Variants in NTRK3 observed in about 807,000 individuals in gnomAD.
NTRK3 encodes the protein neurotrophic receptor tyrosine kinase 3, also known as NT-3 growth factor receptor.
NTRK3 carries 24 observed loss-of-function variants against 91.7 expected under a neutral mutation model. That is an observed-to-expected ratio of 0.26 (90% CI 0.19 to 0.37). The LOEUF (loss-of-function observed/expected upper bound fraction) is 0.37. Ranked by LOEUF, NTRK3 falls within the 10% of genes least tolerant of loss-of-function variation. The pLI is 1.00. For synonymous variants in NTRK3, 483 were observed against 404.0 expected, an observed-to-expected ratio of 1.20 and a Z score of -2.34; for missense variants, 880 against 1,068.9, an observed-to-expected ratio of 0.82 and a Z score of 2.46.
At chr15:88,076,805 T>C (rs1394191594) in intron 13 of NTRK3, among the ~76,000 whole-genome samples, 3 of 152,016 alleles carry the variant, frequency 2.0e-5, no homozygotes, top group Non-Finnish European at 4.4e-5. Flanking sequence ...TTTAAAACAC[T>C]TTTGAGGCTG....
chr15:88,112,683 G>A (rs2051545770), intron 13 of NTRK3, among the ~76,000 whole-genome samples: 1 of 152,214 alleles, frequency 6.6e-6, no homozygotes, highest in African/African-American at 2.4e-5. Flanking sequence ...CCTGTCAGGA[G>A]CCTGGCTCTA....
intron 14 of NTRK3, among the ~76,000 whole-genome samples, chr15:87,966,493 G>A (rs193158751): frequency 6.6e-5 from 10 of 152,158 alleles, no homozygotes; most frequent in South Asian, 4.2e-4. Context: ...AAGGGGTCTC[G>A]CGTACATATG....
intron 3 of NTRK3, among the ~76,000 whole-genome samples, chr15:88,244,699 C>T (rs1372092902): frequency 1.3e-5 from 2 of 152,192 alleles, no homozygotes; most frequent in Non-Finnish European, 2.9e-5. Context: ...GGATGAATGT[C>T]CATGGGAGGC....
chr15:88,222,628 A>C (rs1384865121), intron 3 of NTRK3, among the ~76,000 whole-genome samples: 1 of 152,214 alleles, frequency 6.6e-6, no homozygotes, highest in East Asian at 1.9e-4. Context: ...ATAGAGCTCA[A>C]AGACTTGCCC....
At chr15:88,056,740 A>C (rs2045728454) in intron 13 of NTRK3, among the ~76,000 whole-genome samples, 1 of 152,240 alleles carries the variant, frequency 6.6e-6, no homozygotes, top group Non-Finnish European at 1.5e-5. Context: ...GCACTTTCTC[A>C]GTATCTCCCC....
At chr15:87,871,545 T>A (rs1201635323) in exon 19 of NTRK3, 2 of 230,488 alleles carry the variant, frequency 8.7e-6, no homozygotes, top group African/African-American at 4.4e-5. Context: ...TCCTGTGTGG[T>A]CATCTATCAG....
intron 17 of NTRK3, among the ~76,000 whole-genome samples, chr15:87,922,467 T>C (rs2067955012): frequency 6.6e-6 from 1 of 152,178 alleles, no homozygotes; most frequent in Non-Finnish European, 1.5e-5. Flanking sequence ...CTCTGTCTTG[T>C]TCTCTCAGGA....
chr15:87,884,094 G>A (rs187042401), intron 17 of NTRK3, among the ~76,000 whole-genome samples: 103 of 149,266 alleles, frequency 6.9e-4, no homozygotes, highest in Middle Eastern at 3.6e-3. Flanking sequence ...AACAAACAAA[G>A]CAAAACAGCC....
chr15:88,216,290 A>T (rs1290932542), intron 3 of NTRK3, among the ~76,000 whole-genome samples: 1 of 152,154 alleles, frequency 6.6e-6, no homozygotes, highest in East Asian at 1.9e-4. Flanking sequence ...TGTCTCCCGA[A>T]ATCAGATGGA....
At chr15:88,002,261 C>G (rs1305115881) in intron 14 of NTRK3, among the ~76,000 whole-genome samples, 1 of 139,480 alleles carries the variant, frequency 7.2e-6, no homozygotes, top group Non-Finnish European at 1.5e-5. Flanking sequence ...ATAAAGCATT[C>G]AGGCTCACAC....
chr15:88,074,494 GTC>G (rs2047365961), intron 13 of NTRK3, among the ~76,000 whole-genome samples: 1 of 152,192 alleles, frequency 6.6e-6, no homozygotes, highest in Non-Finnish European at 1.5e-5. Flanking sequence ...GTGAGTCCCT[GTC>G]TCTGACATCA....
chr15:88,167,769 G>A (rs772552091), intron 5 of NTRK3, among the ~76,000 whole-genome samples: 8 of 152,060 alleles, frequency 5.3e-5, no homozygotes, highest in South Asian at 2.1e-4. Context: ...CTTCACAGAC[G>A]CTTTGGGAGA....
intron 14 of NTRK3, among the ~76,000 whole-genome samples, chr15:87,949,845 G>A (rs2070928273): frequency 1.3e-5 from 2 of 152,194 alleles, no homozygotes; most frequent in Admixed American, 1.3e-4. Context: ...CCCAAGGAGA[G>A]CCATCTGGAA....
intron 3 of NTRK3, among the ~76,000 whole-genome samples, chr15:88,200,939 C>A (rs1452022481): frequency 2.6e-5 from 4 of 152,344 alleles, no homozygotes; most frequent in Middle Eastern, 3.4e-3. Flanking sequence ...TAGGCTCTAA[C>A]AATGCAGCGA....
At chr15:88,192,359 C>G (rs886588253) in intron 3 of NTRK3, among the ~76,000 whole-genome samples, 2 of 152,114 alleles carry the variant, frequency 1.3e-5, no homozygotes, top group Non-Finnish European at 2.9e-5. Context: ...CCTATCCTAC[C>G]CCTCCCCAGC....
intron 17 of NTRK3, among the ~76,000 whole-genome samples, chr15:87,896,239 G>A (rs749691482): frequency 8.5e-5 from 13 of 152,116 alleles, no homozygotes; most frequent in East Asian, 1.9e-4. Flanking sequence ...TTGGGAGGCC[G>A]AGGCACGCAA....
chr15:88,184,668 T>C (rs150671401), intron 3 of NTRK3, among the ~76,000 whole-genome samples: 197 of 152,348 alleles, frequency 1.3e-3, no homozygotes, highest in African/African-American at 4.6e-3. Context: ...CAGAATTTCC[T>C]AAGGACTGGC....
rs1040658985 is a variant in NTRK3, at chr15:87,969,829, G to A, written c.1586-29076C>T. ...TCAGAAAATCTTGCCGAGAACTCCC[G>A]CTTGGCCTTGTCCAGCTGTGACAGA... On this transcript the variant is annotated intron_variant, in intron 14 of 18. Coordinates refer to ENST00000394480, the Ensembl canonical transcript of NTRK3. Among the ~76,000 whole-genome samples, 6 of 152,102 alleles carry A rather than the reference G, an allele frequency of 3.9e-5. No homozygotes were observed. The South Asian group carries it at 8.3e-4, about 21-fold the overall frequency.
intron 15 of NTRK3, among the ~76,000 whole-genome samples, chr15:87,936,079 TC>T (rs1192306735): frequency 6.6e-6 from 1 of 152,180 alleles, no homozygotes. Context: ...CCGGTGACTC[TC>T]TGGCCCCTCT....
Sources: gnomAD v4.1 joint callset for allele counts (sites outside exome capture counted in the v4.1 genomes callset) on GRCh38, gnomAD v4.1.1 for gene constraint, MANE v1.5 for transcripts, NCBI Gene and HGNC (gene_info 2026-07-23, HGNC 2026-07-21) for gene names.